ECI2: variants seen among roughly 807,000 people sequenced by gnomAD.
ECI2 encodes D3,D2-enoyl-CoA isomerase.
In ECI2, 27 loss-of-function variants were observed where a neutral mutation model predicts 38.4. The observed-to-expected ratio is 0.70, with a 90% CI of 0.52 to 0.97. ECI2 has a LOEUF of 0.97. Ranked by LOEUF, ECI2 falls within the 50% of genes least tolerant of loss-of-function variation. ECI2 has a pLI of 0.00. For synonymous variants in ECI2, 168 were observed against 172.0 expected, an observed-to-expected ratio of 0.98 and a Z score of 0.18; for missense variants, 470 against 474.4, an observed-to-expected ratio of 0.99 and a Z score of 0.09.
chr6:4,121,882 T>C, intron 7 of ECI2: 1 of 884,916 alleles, frequency 1.1e-6, no homozygotes, highest in Non-Finnish European at 1.7e-6. Flanking sequence ...AGCATATACA[T>C]AAAAATAATC....
intron 6 of ECI2, 41 bp from the exon 7 acceptor site, chr6:4,125,411 CAGCATGACTAA>C (rs761538340): frequency 2.5e-6 from 4 of 1,611,686 alleles, no homozygotes. Flanking sequence ...TGTGCCAAAG[CAGCATGACTAA>C]AGCATGGGCA....
At chr6:4,126,268 T>C in intron 5 of ECI2, 31 bp from the exon 6 acceptor site, 1 of 1,565,504 alleles carries the variant, frequency 6.4e-7, no homozygotes, top group Non-Finnish European at 8.8e-7. Context: ...AGATCCCTCA[T>C]TCAATCATCC....
At chr6:4,133,878 C>T in intron 1 of ECI2, 167 bp from the exon 2 acceptor site, 1 of 716,996 alleles carries the variant, frequency 1.4e-6, no homozygotes, top group Non-Finnish European at 2.1e-6. Flanking sequence ...TGTAAGGATT[C>T]CAAGATAATA....
intron 4 of ECI2, among the ~76,000 whole-genome samples, chr6:4,128,915 A>G (rs933756964): frequency 6.6e-6 from 1 of 152,182 alleles, no homozygotes; most frequent in Non-Finnish European, 1.5e-5. Context: ...TACATGAATA[A>G]GCGTTTAAGC....
At chr6:4,135,240 G>A (rs2113036666) in intron 1 of ECI2, 3 of 997,052 alleles carry the variant, frequency 3.0e-6, no homozygotes, top group Non-Finnish European at 4.5e-6. Flanking sequence ...AGCGTGCGCG[G>A]AGGCAGGCGG....
intron 8 of ECI2, chr6:4,118,836 G>A (rs559454748): frequency 5.7e-6 from 1 of 175,740 alleles, no homozygotes; most frequent in East Asian, 1.5e-4. Context: ...TCCAAACTCA[G>A]GGGACCAAGG....
chr6:4,119,104 G>T, intron 8 of ECI2, 82 bp downstream of exon 8: 1 of 1,157,050 alleles, frequency 8.6e-7, no homozygotes, highest in Non-Finnish European at 1.2e-6. Flanking sequence ...CCAAGGGAAA[G>T]AAGGGAGAGT....
Position 4,127,404 on chromosome 6 carries a change from C to CTTT in ECI2, c.571+355_571+357dup, listed in dbSNP as rs71001567. Among the ~76,000 whole-genome samples, 285 of 75,882 alleles carry CTTT rather than the reference C, an allele frequency of 3.8e-3. 59 individuals are homozygous for CTTT. The highest frequency in any genetic ancestry group is 0.015 in the African/African-American group (278 of 18,306). The allele number at this position is 75,882 out of a possible 152,430, so 49.8% of individuals were successfully genotyped here. ...ACAGTACTGGAAAAGATCTTAGAGC[C>CTTT]TTTTTTTTTTTTTTTTTTTTTTTTT... On this transcript the variant is annotated intron_variant, in intron 5 of 9. Coordinates refer to ENST00000380118, the MANE Select transcript of ECI2 (RefSeq NM_206836.3).
At chr6:4,126,467 A>C (rs9503925) in intron 5 of ECI2, among the ~76,000 whole-genome samples, 2,616 of 152,312 alleles carry the variant, frequency 0.017, 75 homozygotes, top group African/African-American at 0.059. Flanking sequence ...TCATGAAATG[A>C]GGGTATGTAC....
At chr6:4,135,343 C>T (rs1459156563) in intron 1 of ECI2, 168 bp downstream of exon 1, 2 of 1,474,748 alleles carry the variant, frequency 1.4e-6, no homozygotes, top group Non-Finnish European at 9.0e-7. Context: ...GGAGGGCGCG[C>T]GTGAGGTCGT....
intron 8 of ECI2, 28 bp downstream of exon 8, chr6:4,119,157 AT>A: frequency 6.4e-7 from 1 of 1,564,454 alleles, no homozygotes; most frequent in East Asian, 2.2e-5. Context: ...GACTCATAAA[AT>A]TTTATATTTA....
intron 7 of ECI2, chr6:4,124,864 A>G: frequency 3.1e-6 from 1 of 323,246 alleles, no homozygotes; most frequent in South Asian, 2.5e-5. Context: ...TTCTCCTTCT[A>G]AAATTCTAAA....
At chr6:4,122,409 C>T (rs576971730) in intron 7 of ECI2, among the ~76,000 whole-genome samples, 134 of 151,976 alleles carry the variant, frequency 8.8e-4, no homozygotes, top group African/African-American at 2.8e-3. Context: ...TTAGTAGAGA[C>T]GGGGCTTCAC....
At chr6:4,133,994 A>G (rs762560628) in intron 1 of ECI2, among the ~76,000 whole-genome samples, 6 of 152,242 alleles carry the variant, frequency 3.9e-5, no homozygotes, top group Non-Finnish European at 7.3e-5. Context: ...AACAGGAATG[A>G]CCATGTAAAT....
At chr6:4,126,103 T>C in intron 6 of ECI2, 32 bp downstream of exon 6, 1 of 1,579,184 alleles carries the variant, frequency 6.3e-7, no homozygotes, top group South Asian at 1.1e-5. Context: ...GAACGGGCCC[T>C]CTGGGATCAG....
chr6:4,127,178 T>C (rs923613529), intron 5 of ECI2, among the ~76,000 whole-genome samples: 2 of 152,214 alleles, frequency 1.3e-5, no homozygotes, highest in Non-Finnish European at 2.9e-5. Flanking sequence ...ATTGTACAAA[T>C]AGTCAACAAT....
intron 5 of ECI2, among the ~76,000 whole-genome samples, 158 bp from the exon 6 acceptor site, chr6:4,126,395 G>A (rs1415547817): frequency 6.6e-6 from 1 of 152,214 alleles, no homozygotes; most frequent in Non-Finnish European, 1.5e-5. Context: ...GCTGGACACT[G>A]ATCTATAAAA....
chr6:4,134,179 G>A (rs1189247143), intron 1 of ECI2, among the ~76,000 whole-genome samples: 1 of 152,234 alleles, frequency 6.6e-6, no homozygotes, highest in Non-Finnish European at 1.5e-5. Context: ...CGAAGCTGGT[G>A]TTCCAACATA....
intron 4 of ECI2, chr6:4,130,107 C>T: frequency 6.2e-7 from 1 of 1,611,728 alleles, no homozygotes; most frequent in Non-Finnish European, 8.5e-7. Flanking sequence ...CAACATGTTT[C>T]ATTTATATTC....
Sources: allele counts gnomAD v4.1 joint callset (sites outside exome capture counted in the v4.1 genomes callset), GRCh38; gene constraint gnomAD v4.1.1; transcripts MANE v1.5; gene names NCBI Gene and HGNC (gene_info 2026-07-23, HGNC 2026-07-21).